Variants in CREBRF observed in about 807,000 individuals in gnomAD.
CREBRF encodes the protein UPF0474 protein C5orf41.
Under a neutral mutation model 66.1 loss-of-function variants are expected in CREBRF, and 5 were observed. That is an observed-to-expected ratio of 0.08 (90% CI 0.04 to 0.16). The LOEUF is 0.16. CREBRF is among the 10% of genes least tolerant of loss of function. The pLI is 1.00. For synonymous variants in CREBRF, 229 were observed against 264.4 expected (o/e 0.87, Z 1.30); for missense variants, 531 against 744.9 (o/e 0.71, Z 3.34).
rs750076305 is a variant in CREBRF, at chr5:173,090,639, C to A, written c.460C>A (p.Leu154Ile). The change falls in exon 4 of 9, where the codon CTT becomes ATT. Residue 154 changes from leucine (L) to isoleucine (I), a missense_variant. Physicochemically the swap from Leu to Ile is conservative, Grantham distance 5. Transcript: ENST00000296953. The surrounding 1 kb of genome is among the most constrained non-coding windows in gnomAD (Gnocchi z 4.5). ...SEDSQSVSDS[L>I]YYPDSLFSVK... is the part of the protein sequence containing the mutation. ...GGACTCACAGTCTGTTTCTGATTCCCTTTATTACCCCGATTCACTTTTCAG... is the reference window on the plus strand; with the variant it reads ...GGACTCACAGTCTGTTTCTGATTCCATTTATTACCCCGATTCACTTTTCAG... 1 of 1,614,018 alleles carries A rather than the reference C, an allele frequency of 6.2e-7. No homozygotes were observed. Among genetic ancestry groups the A allele is most frequent in the Non-Finnish European group, 8.5e-7 (1 of 1,180,030 alleles).
chr5:173,123,168 G>A lies in CREBRF; in HGVS notation c.1770G>A (p.Gly590=). The A allele has an allele frequency of 6.2e-7, 1 of 1,601,938 alleles. No homozygotes were observed. The highest frequency in any genetic ancestry group is 1.1e-5 in the South Asian group (1 of 88,406). ...GAGATGAGAGAGGACCCAACATGGG[G>A]CAGAAGCTTGAAATCCTCATTAAAG... ...NPRDERGPNM[G]QKLEILIKDT... The change falls in exon 8 of 9, where the codon GGG becomes GGA. Residue 590 remains glycine, a synonymous_variant. Coordinates refer to ENST00000296953, the MANE Select transcript of CREBRF (RefSeq NM_153607.3).
Position 173,133,646 on chromosome 5 carries a change from G to A in CREBRF, c.1821G>A (p.Gly607=), listed in dbSNP as rs1759525383. The change falls in exon 9 of 9, where the codon GGG becomes GGA. Residue 607 remains glycine (G), a synonymous_variant. Transcript: ENST00000296953. The part of the protein sequence containing the change: ...IKDTLGLPVA[G]QTSEFVNQVL... ...TCTCTTCAGGTCTACCAGTTGCTGG[G>A]CAAACCTCAGAATTTGTTAACCAAG... The A allele has an allele frequency of 1.2e-6, 2 of 1,610,020 alleles. No homozygotes were observed. Among genetic ancestry groups the A allele is most frequent in the Non-Finnish European group, 1.7e-6 (2 of 1,177,042 alleles).
chr5:173,117,027 T>C (rs907749988), intron 7 of CREBRF, among the ~76,000 whole-genome samples: 2 of 152,210 alleles, frequency 1.3e-5, no homozygotes, highest in African/African-American at 2.4e-5. Context: ...TGTTTTCTTT[T>C]GTGAAGTGTC....
chr5:173,081,107 A>C (rs251240), intron 2 of CREBRF, among the ~76,000 whole-genome samples: 74,013 of 151,988 alleles, frequency 0.49, 19,165 homozygotes, highest in Non-Finnish European at 0.58. Flanking sequence ...TCTCCTCACT[A>C]TTCCTATTTC....
In CREBRF at chr5:173,131,375, A is replaced by G. The variant is rs545652512; in HGVS notation, c.1805-2255A>G. Among the ~76,000 whole-genome samples the G allele has an allele frequency of 1.9e-4, 29 of 152,310 alleles. 1 individual carries two copies. In the South Asian group the frequency reaches 5.8e-3, roughly 30 times the overall value. ...GGAATCCATTTTCCCAGTTGTCTCA[A>G]TAATGTCCATTATAGCATTTTTTTG... On this transcript the variant is annotated intron_variant, in intron 8 of 8. Coordinates refer to ENST00000296953, the MANE Select transcript of CREBRF (RefSeq NM_153607.3).
chr5:173,115,879 G>A (rs1457521927), intron 7 of CREBRF, among the ~76,000 whole-genome samples: 1 of 152,132 alleles, frequency 6.6e-6, no homozygotes, highest in African/African-American at 2.4e-5. Context: ...CAAAGTGCTG[G>A]GATTACAGGC....
At chr5:173,091,520 C>G (rs1581681883) in intron 4 of CREBRF, 119 bp downstream of exon 4, 3 of 1,487,850 alleles carry the variant, frequency 2.0e-6, no homozygotes, top group Non-Finnish European at 2.7e-6. Flanking sequence ...AATTAAATGA[C>G]TTAAACCTTG....
At position 173,086,418 on chromosome 5, in the gene CREBRF, G is replaced by A. The variant is rs112359463; in HGVS notation, c.10-83G>A. The stretch of plus-strand genomic sequence containing the variant: ...TTCTGAAAAGAATAAGTTACTTAGT[G>A]GGGGTGGGGTTGGGGCTCATATGTG... On this transcript the variant is annotated intron_variant, in intron 2 of 8. Transcript: ENST00000296953. The A allele has an allele frequency of 4.2e-4, 495 of 1,184,560 alleles. 2 individuals are homozygous for A. In the African/African-American group the frequency reaches 5.0e-3, roughly 12 times the overall value. 73.4% of individuals were successfully genotyped at this position (1,184,560 alleles called of 1,614,324 possible).
At position 173,134,498 on chromosome 5, in the gene CREBRF, A is replaced by G. The variant is rs960910563; in HGVS notation, c.*753A>G. On this transcript the variant is annotated 3_prime_UTR_variant, in exon 9 of 9. Transcript: ENST00000296953. ...AGATTTTTTGAATGTATATAGGACT[A>G]TGTTGAAATGTAGATATATGCCACA... 7 of 169,808 alleles carry G rather than the reference A, an allele frequency of 4.1e-5. No individual in the cohort carries two copies. The highest frequency in any genetic ancestry group is 9.6e-5 in the African/African-American group (4 of 41,678). The allele number at this position is 169,808 out of a possible 1,614,324, so 10.5% of individuals were successfully genotyped here.
At chr5:173,067,489 C>T (rs888633022) in intron 1 of CREBRF, among the ~76,000 whole-genome samples, 3 of 152,160 alleles carry the variant, frequency 2.0e-5, no homozygotes, top group African/African-American at 7.2e-5. Context: ...GATCATCTTT[C>T]TGGGAATGTA....
At chr5:173,092,282 G>C (rs571003806) in intron 4 of CREBRF, 3 of 980,034 alleles carry the variant, frequency 3.1e-6, no homozygotes, top group Admixed American at 6.2e-5. Context: ...AATTTACATC[G>C]TATTTTCCTA....
chr5:173,077,972 G>A (rs1397942492), intron 1 of CREBRF, among the ~76,000 whole-genome samples: 1 of 152,128 alleles, frequency 6.6e-6, no homozygotes, highest in Non-Finnish European at 1.5e-5. Context: ...TCTGTTTGTG[G>A]ACACTTGAGT....
chr5:173,101,123 G>A (rs73331191), intron 4 of CREBRF, among the ~76,000 whole-genome samples: 3,045 of 152,174 alleles, frequency 0.02, 95 homozygotes, highest in African/African-American at 0.068. Flanking sequence ...GTGCAATGGC[G>A]TGATCCTAGC....
At position 173,110,592 on chromosome 5, in the gene CREBRF, C is replaced by G. The variant is rs1758849203; in HGVS notation, c.1488C>G (p.Leu496=). 1.9e-6 allele frequency: 3 copies of G among 1,613,798 alleles called. No homozygotes were observed. Among genetic ancestry groups the G allele is most frequent in the Non-Finnish European group, 2.5e-6 (3 of 1,179,826 alleles). The change falls in exon 6 of 9, where the codon CTC becomes CTG. Residue 496 remains leucine (L), a synonymous_variant. Transcript: ENST00000296953. ...EDLTPNPKKL[L]QIGNELRKLN... is the part of the protein sequence containing the mutation. ...TGACTCCAAATCCTAAAAAACTCCTCCAGATAGGCAATGAACTTCGGAAAC... is the reference window on the plus strand; with the variant it reads ...TGACTCCAAATCCTAAAAAACTCCTGCAGATAGGCAATGAACTTCGGAAAC...
intron 7 of CREBRF, among the ~76,000 whole-genome samples, chr5:173,117,741 C>T (rs116140578): frequency 0.061 from 8,955 of 147,844 alleles, 332 homozygotes; most frequent in Middle Eastern, 0.17. Context: ...TGTCTTTCCT[C>T]GCTCTGTTGT....
chr5:173,100,912 T>C (rs1758614489), intron 4 of CREBRF, among the ~76,000 whole-genome samples: 1 of 152,190 alleles, frequency 6.6e-6, no homozygotes, highest in Non-Finnish European at 1.5e-5. Context: ...CTTGAACTCC[T>C]GAGCTTAAGC....
rs899045857 is a variant in CREBRF at position 173,138,644 on chromosome 5, G to A, written c.*4899G>A. On this transcript the variant is annotated 3_prime_UTR_variant, in exon 9 of 9. Coordinates refer to ENST00000296953, the MANE Select transcript of CREBRF (RefSeq NM_153607.3). The stretch of plus-strand genomic sequence containing the variant: ...TTCATAACAATGTAAACACAATGGT[G>A]TAGTTAATTAAATTCTGGGTGGATA... 1 of 152,162 alleles carries A rather than the reference G, an allele frequency of 6.6e-6. No individual in the cohort carries two copies. Among genetic ancestry groups the A allele is most frequent in the South Asian group, 2.1e-4 (1 of 4,822 alleles). 9.4% of individuals were successfully genotyped at this position (152,162 alleles called of 1,614,324 possible). A position where few individuals can be genotyped will look rare whatever the true frequency, so the allele number is the denominator to read the frequency against.
intron 2 of CREBRF, among the ~76,000 whole-genome samples, chr5:173,083,365 A>C (rs529290716): frequency 6.6e-6 from 1 of 152,282 alleles, no homozygotes; most frequent in Non-Finnish European, 1.5e-5. Context: ...TAGATGTTAA[A>C]ATGTAAAAAG....
chr5:173,127,915 A>G (rs186201608), intron 8 of CREBRF, among the ~76,000 whole-genome samples: 4 of 152,168 alleles, frequency 2.6e-5, no homozygotes, highest in South Asian at 2.1e-4. Flanking sequence ...GATTTCTTCT[A>G]TATCTGTTGT....
Sources: gnomAD v4.1 joint callset for allele counts (sites outside exome capture counted in the v4.1 genomes callset) on GRCh38, gnomAD v4.1.1 for gene constraint, Gnocchi (gnomAD v3.1) non-coding constraint, MANE v1.5 for transcripts, NCBI Gene and HGNC (gene_info 2026-07-23, HGNC 2026-07-21) for gene names.